The following RAD54L2 variants were observed in gnomAD, a reference collection of about 807,000 sequenced individuals.
RAD54L2 encodes the protein helicase ARIP4.
In RAD54L2, 27 loss-of-function variants were observed where a neutral mutation model predicts 138.4. The ratio of observed to expected loss-of-function variants is 0.20; its 90% confidence interval spans 0.14 to 0.27. The LOEUF (loss-of-function observed/expected upper bound fraction) is 0.27. Ranked by LOEUF, RAD54L2 falls within the 10% of genes least tolerant of loss-of-function variation. The pLI is 1.00. For missense variants in RAD54L2, 1,396 were observed against 1,890.2 expected (o/e 0.74, Z 4.85); for synonymous variants, 644 against 723.2 (o/e 0.89, Z 1.76).
Position 51,663,594 on chromosome 3 carries a change from C to CAAAAAAAAA in RAD54L2, c.*190_*198dup, listed in dbSNP as rs34235841. 6 of 54,834 alleles carry CAAAAAAAAA rather than the reference C, an allele frequency of 1.1e-4. No individual in the cohort carries two copies. The highest frequency in any genetic ancestry group is 1.6e-4 in the Non-Finnish European group (5 of 30,560). 3.4% of individuals were successfully genotyped at this position (54,834 alleles called of 1,614,324 possible). On this transcript the variant is annotated 3_prime_UTR_variant, in exon 23 of 23. Transcript: ENST00000684192. ...CTCTGTTGCTGTTTAACAAAAGAGG[C>CAAAAAAAAA]AAAAAAAAAAAAAAAAAAAAAAAAG...
intron 2 of RAD54L2, among the ~76,000 whole-genome samples, chr3:51,549,353 C>T (rs1013387855): frequency 3.3e-5 from 5 of 152,126 alleles, no homozygotes; most frequent in African/African-American, 1.2e-4. Context: ...GCTCTACTCT[C>T]TTTACAGATT....
chr3:51,571,824 T>G (rs1043636595), intron 2 of RAD54L2, among the ~76,000 whole-genome samples: 29 of 151,248 alleles, frequency 1.9e-4, no homozygotes, highest in African/African-American at 5.1e-4. Flanking sequence ...GAAATAGGGG[T>G]TTTTTTTTAC....
chr3:51,661,453 C>T (rs913622891), intron 22 of RAD54L2, among the ~76,000 whole-genome samples: 2 of 152,198 alleles, frequency 1.3e-5, no homozygotes, highest in African/African-American at 4.8e-5. Context: ...TTATTTTACT[C>T]CACCATCACT....
At chr3:51,564,449 C>T (rs1429537482) in intron 2 of RAD54L2, among the ~76,000 whole-genome samples, 1 of 152,220 alleles carries the variant, frequency 6.6e-6, no homozygotes, top group East Asian at 1.9e-4. Flanking sequence ...TTGTTATCTA[C>T]ATGTAAACAT....
At chr3:51,608,335 T>G (rs1700250366) in intron 3 of RAD54L2, among the ~76,000 whole-genome samples, 1 of 149,278 alleles carries the variant, frequency 6.7e-6, no homozygotes, top group Admixed American at 6.7e-5. Flanking sequence ...CAATCCTCAC[T>G]TCACAGACTG....
Position 51,543,788 on chromosome 3 carries a change from T to TC in RAD54L2, c.-55+2140dup, listed in dbSNP as rs1306267311. Among the ~76,000 whole-genome samples the TC allele has an allele frequency of 5.3e-5, 8 of 152,244 alleles. No homozygotes were observed. In the East Asian group the frequency reaches 1.5e-3, roughly 29 times the overall value. ...CACGTGAGGCTCAGTTATAGTGAAC[T>TC]CCTTGAAGGTCCCAGCATTCTTAGC... On this transcript the variant is annotated intron_variant, in intron 2 of 22. Coordinates refer to ENST00000684192, the MANE Select transcript of RAD54L2 (RefSeq NM_015106.4).
chr3:51,609,698 T>TTGTGTGTGTGTGTG (rs5848928), intron 3 of RAD54L2, among the ~76,000 whole-genome samples: 7 of 141,180 alleles, frequency 5.0e-5, no homozygotes, highest in African/African-American at 1.8e-4. Flanking sequence ...TTGTGGGCAT[T>TTGTGTGTGTGTGTG]TGTGTGTGTG....
Position 51,643,887 on chromosome 3 carries a change from G to C in RAD54L2, c.2363G>C (p.Ser788Thr). 2 of 1,605,652 alleles carry C rather than the reference G, an allele frequency of 1.2e-6. No homozygotes were observed. The highest frequency in any genetic ancestry group is 1.7e-6 in the Non-Finnish European group (2 of 1,175,888). ...CCTTCCTTCCTAGGGCTAGATGGTA[G>C]CACCCCTGCCTTTGAGAGGGAGCGG... is the stretch of plus-strand genomic sequence containing the variant. ...RNISYFRLDG[S>T]TPAFERERLI... The change falls in exon 16 of 23, where the codon AGC becomes ACC. Residue 788 changes from serine (S) to threonine (T), a missense_variant. Transcript: ENST00000684192.
chr3:51,625,210 G>C (rs1365898498), intron 3 of RAD54L2, among the ~76,000 whole-genome samples: 3 of 152,236 alleles, frequency 2.0e-5, no homozygotes, highest in African/African-American at 7.2e-5. Flanking sequence ...CTTGAGGTCG[G>C]GAGTTCGAGA....
chr3:51,597,322 G>A (rs982001257), intron 3 of RAD54L2, among the ~76,000 whole-genome samples: 4 of 151,958 alleles, frequency 2.6e-5, no homozygotes, highest in Non-Finnish European at 5.9e-5. Flanking sequence ...TCCAAACTTA[G>A]TTCCTCCATT....
At chr3:51,571,040 C>T (rs977591405) in intron 2 of RAD54L2, among the ~76,000 whole-genome samples, 3 of 152,002 alleles carry the variant, frequency 2.0e-5, no homozygotes, top group African/African-American at 7.3e-5. Context: ...AGGCTGATCC[C>T]GAACTCCTGG....
chr3:51,540,463 T>C (rs1698522692), intron 1 of RAD54L2, among the ~76,000 whole-genome samples: 1 of 152,228 alleles, frequency 6.6e-6, no homozygotes, highest in Non-Finnish European at 1.5e-5. Context: ...GTACGCAAAC[T>C]CCAACTCTGA....
chr3:51,581,032 G>A (rs764475474), intron 2 of RAD54L2, among the ~76,000 whole-genome samples: 1 of 152,166 alleles, frequency 6.6e-6, no homozygotes, highest in Non-Finnish European at 1.5e-5. Context: ...TATATACCAT[G>A]TAGGTGTAGC....
chr3:51,665,016 A>G lies in RAD54L2; in HGVS notation c.*1596A>G, dbSNP rs1422646632. 6.6e-6 allele frequency: 1 copy of G among 151,810 alleles called. No homozygotes were observed. Among genetic ancestry groups the G allele is most frequent in the Non-Finnish European group, 1.5e-5 (1 of 67,944 alleles). 9.4% of individuals were successfully genotyped at this position (151,810 alleles called of 1,614,324 possible). A position where few individuals can be genotyped will look rare whatever the true frequency, so the allele number is the denominator to read the frequency against. The stretch of plus-strand genomic sequence containing the variant: ...CTCCATCTTTGAAGGAACATGGAGG[A>G]GCCCTTTCTCTGTAGGAGCCCTAAG... On this transcript the variant is annotated 3_prime_UTR_variant, in exon 23 of 23. Coordinates refer to ENST00000684192, the MANE Select transcript of RAD54L2 (RefSeq NM_015106.4).
intron 2 of RAD54L2, among the ~76,000 whole-genome samples, chr3:51,542,657 G>T (rs1304276113): frequency 2.0e-5 from 3 of 152,120 alleles, no homozygotes; most frequent in East Asian, 3.9e-4. Flanking sequence ...TAGAGATGGG[G>T]TTTCATCGTG....
chr3:51,629,552 A>C, intron 5 of RAD54L2, 79 bp downstream of exon 5: 1 of 1,539,246 alleles, frequency 6.5e-7, no homozygotes. Flanking sequence ...TCAAAAGCAG[A>C]TCTGGAATAA....
rs1701058158 is a variant in RAD54L2 at position 51,638,954 on chromosome 3, A to C, written c.1861-465A>C. ...TGTGATGATGCTTTGGTATCACTGCATCCTTCCTTCTTCCTTTCCTCTCTT... is the reference window on the plus strand; with the variant it reads ...TGTGATGATGCTTTGGTATCACTGCCTCCTTCCTTCTTCCTTTCCTCTCTT... On this transcript the variant is annotated intron_variant, in intron 12 of 22. Coordinates refer to ENST00000684192, the MANE Select transcript of RAD54L2 (RefSeq NM_015106.4). The surrounding 1 kb of genome is among the most constrained non-coding windows in gnomAD (Gnocchi z 4.3). 1 of 170,568 alleles carries C rather than the reference A, an allele frequency of 5.9e-6. No individual in the cohort carries two copies. Among genetic ancestry groups the C allele is most frequent in the African/African-American group, 2.4e-5 (1 of 41,668 alleles). 10.6% of individuals were successfully genotyped at this position (170,568 alleles called of 1,614,324 possible). A position where few individuals can be genotyped will look rare whatever the true frequency, so the allele number is the denominator to read the frequency against.
At chr3:51,581,352 C>A (rs1167813382) in intron 2 of RAD54L2, among the ~76,000 whole-genome samples, 1 of 152,128 alleles carries the variant, frequency 6.6e-6, no homozygotes, top group African/African-American at 2.4e-5. Context: ...CCCACCTCGG[C>A]CTCCCAAAGT....
Position 51,665,362 on chromosome 3 carries a change from C to T in RAD54L2, c.*1942C>T, listed in dbSNP as rs954211201. The T allele has an allele frequency of 1.3e-5, 2 of 152,156 alleles. No homozygotes were observed. Among genetic ancestry groups the T allele is most frequent in the African/African-American group, 2.4e-5 (1 of 41,412 alleles). The allele number at this position is 152,156 out of a possible 1,614,324, so 9.4% of individuals were successfully genotyped here. On this transcript the variant is annotated 3_prime_UTR_variant, in exon 23 of 23. Transcript: ENST00000684192. ...ACAGCTCTTCTGACCAGCCCATTTC[C>T]ATCTTTGGAGGGCCTTAGCAGACTC...
Sources: gnomAD v4.1 joint callset for allele counts (sites outside exome capture counted in the v4.1 genomes callset) on GRCh38, gnomAD v4.1.1 for gene constraint, Gnocchi (gnomAD v3.1) non-coding constraint, MANE v1.5 for transcripts, NCBI Gene and HGNC (gene_info 2026-07-23, HGNC 2026-07-21) for gene names.